Variants in LDB2 observed in about 807,000 individuals in gnomAD.
LDB2 encodes the protein LIM domain-binding protein 2.
A neutral mutation model predicts 44.3 loss-of-function variants in LDB2; 12 were observed. The observed-to-expected ratio is 0.27, with a 90% confidence interval of 0.17 to 0.44. The LOEUF is 0.44. Ranked by LOEUF, LDB2 falls within the 20% of genes least tolerant of loss-of-function variation. The pLI is 1.00. For synonymous variants in LDB2, 164 were observed against 174.8 expected, an observed-to-expected ratio of 0.94 and a Z score of 0.49; for missense variants, 344 against 473.5, an observed-to-expected ratio of 0.73 and a Z score of 2.54.
intron 5 of LDB2, among the ~76,000 whole-genome samples, chr4:16,559,344 G>A (rs889141208): frequency 6.6e-6 from 1 of 152,070 alleles, no homozygotes; most frequent in Admixed American, 6.5e-5. Context: ...GACACACATG[G>A]GCTCAAAATA....
chr4:16,790,833 G>GA lies in LDB2; in HGVS notation c.133-31574dup, dbSNP rs954053124. Among the ~76,000 whole-genome samples the GA allele has an allele frequency of 4.6e-5, 7 of 151,542 alleles. No homozygotes were observed. The East Asian group carries it at 5.8e-4, about 13-fold the overall frequency. ...GTTACTTTCAGGTATGAACCAGAAA[G>GA]AAAAAAAAATTGCCTAAAACCCAAA... On this transcript the variant is annotated intron_variant, in intron 1 of 7. Coordinates refer to ENST00000304523, the MANE Select transcript of LDB2 (RefSeq NM_001290.5).
chr4:16,819,460 G>GAAAAAAAAAA (rs369605183), intron 1 of LDB2, among the ~76,000 whole-genome samples: 1 of 93,456 alleles, frequency 1.1e-5, no homozygotes, highest in African/African-American at 4.2e-5. Flanking sequence ...CTGCACTCAG[G>GAAAAAAAAAA]AAAAAAAAAA....
chr4:16,784,897 T>C (rs894376194), intron 1 of LDB2, among the ~76,000 whole-genome samples: 6 of 152,154 alleles, frequency 3.9e-5, no homozygotes, highest in Non-Finnish European at 5.9e-5. Flanking sequence ...CTCTGCTCCC[T>C]GGGTGTAGAC....
At chr4:16,772,761 G>T (rs1279366967) in intron 1 of LDB2, among the ~76,000 whole-genome samples, 1 of 152,176 alleles carries the variant, frequency 6.6e-6, no homozygotes, top group Non-Finnish European at 1.5e-5. Flanking sequence ...CAATGTGTTT[G>T]CCCTACAATA....
chr4:16,872,882 GC>G (rs1450756475), intron 1 of LDB2, among the ~76,000 whole-genome samples: 1 of 152,140 alleles, frequency 6.6e-6, no homozygotes, highest in Non-Finnish European at 1.5e-5. Flanking sequence ...AGCAAGAAAA[GC>G]AAAAGATCCA....
intron 5 of LDB2, among the ~76,000 whole-genome samples, chr4:16,581,928 G>A (rs978561007): frequency 4.8e-5 from 7 of 146,110 alleles, no homozygotes; most frequent in Non-Finnish European, 1.1e-4. Context: ...AAAGAAGAAA[G>A]AAAGAAAGAA....
chr4:16,536,438 C>T (rs1731895309), intron 5 of LDB2, among the ~76,000 whole-genome samples: 1 of 152,190 alleles, frequency 6.6e-6, no homozygotes, highest in South Asian at 2.1e-4. Flanking sequence ...TGCTGCTGGT[C>T]AGATGTCCAG....
intron 1 of LDB2, among the ~76,000 whole-genome samples, chr4:16,793,244 A>G (rs1185505070): frequency 6.6e-6 from 1 of 151,946 alleles, no homozygotes; most frequent in Non-Finnish European, 1.5e-5. Flanking sequence ...TTTGGTCCTT[A>G]TCGTTTAGGA....
At position 16,739,171 on chromosome 4, in the gene LDB2, A is replaced by G. The variant is rs138085264; in HGVS notation, c.235+19987T>C. On this transcript the variant is annotated intron_variant, in intron 2 of 7. Transcript: ENST00000304523. ...AATCTTGAATTTTGACCACCCTGTC[A>G]GTTTCTGAAACTCCTTTTGATGATA... 5.3e-5 allele frequency among the ~76,000 whole-genome samples: 8 copies of G among 152,238 alleles called. No individual in the cohort carries two copies. In the East Asian group the frequency reaches 1.5e-3, roughly 29 times the overall value.
At chr4:16,898,114 G>A (rs1003053768) in intron 1 of LDB2, among the ~76,000 whole-genome samples, 1 of 151,722 alleles carries the variant, frequency 6.6e-6, no homozygotes, top group African/African-American at 2.4e-5. Flanking sequence ...TGGAAACCCG[G>A]CATGTGAATC....
chr4:16,752,500 A>C, intron 2 of LDB2: 1 of 435,328 alleles, frequency 2.3e-6, no homozygotes. Flanking sequence ...TCTGCCCAAA[A>C]CCAGAGTTCT....
At chr4:16,559,652 A>C (rs1484455620) in intron 5 of LDB2, among the ~76,000 whole-genome samples, 2 of 152,196 alleles carry the variant, frequency 1.3e-5, no homozygotes, top group Non-Finnish European at 2.9e-5. Flanking sequence ...CATTAGACAG[A>C]TCAACGAGAC....
chr4:16,861,652 A>G (rs1712592808), intron 1 of LDB2, among the ~76,000 whole-genome samples: 1 of 152,168 alleles, frequency 6.6e-6, no homozygotes, highest in Non-Finnish European at 1.5e-5. Flanking sequence ...CGTGCTTTCA[A>G]ACTCTCAAGG....
chr4:16,621,648 G>T (rs1728915224), intron 2 of LDB2, among the ~76,000 whole-genome samples: 1 of 152,098 alleles, frequency 6.6e-6, no homozygotes, highest in Admixed American at 6.6e-5. Context: ...GAACTCCTGG[G>T]CTCAAACAAT....
chr4:16,592,465 C>CATATATATATAT (rs71589671), intron 3 of LDB2, among the ~76,000 whole-genome samples: 1 of 116,602 alleles, frequency 8.6e-6, no homozygotes, highest in African/African-American at 3.6e-5. Flanking sequence ...ATTATACATA[C>CATATATATATAT]ATATATATAT....
At chr4:16,557,917 G>A (rs555920504) in intron 5 of LDB2, among the ~76,000 whole-genome samples, 9 of 152,298 alleles carry the variant, frequency 5.9e-5, no homozygotes, top group East Asian at 1.9e-4. Context: ...ACGAAACTCC[G>A]CTGTTCTGCA....
chr4:16,815,475 G>T (rs1251936561), intron 1 of LDB2, among the ~76,000 whole-genome samples: 9 of 152,166 alleles, frequency 5.9e-5, no homozygotes, highest in Admixed American at 5.9e-4. Flanking sequence ...TCCATCTAAG[G>T]TTATGTGGTG....
intron 2 of LDB2, among the ~76,000 whole-genome samples, chr4:16,668,203 T>C (rs1743823083): frequency 6.6e-6 from 1 of 152,130 alleles, no homozygotes; most frequent in Admixed American, 6.5e-5. Flanking sequence ...ATATGTTTAT[T>C]ACTGTGGGTC....
At chr4:16,728,758 C>T (rs10516307) in intron 2 of LDB2, among the ~76,000 whole-genome samples, 5,904 of 152,250 alleles carry the variant, frequency 0.039, 403 homozygotes, top group African/African-American at 0.13. Flanking sequence ...GTATATCTTT[C>T]TATCCTTCAA....
Sources: allele counts gnomAD v4.1 joint callset (sites outside exome capture counted in the v4.1 genomes callset), GRCh38; gene constraint gnomAD v4.1.1; transcripts MANE v1.5; gene names NCBI Gene and HGNC (gene_info 2026-07-23, HGNC 2026-07-21).